Variants in PDZRN4 observed in about 807,000 individuals in gnomAD.
PDZRN4 encodes the protein PDZ domain-containing RING finger protein 4.
PDZRN4 carries 70 observed loss-of-function variants against 99.0 expected under a neutral mutation model. The ratio of observed to expected loss-of-function variants is 0.71; its 90% CI spans 0.58 to 0.86. PDZRN4 has a LOEUF of 0.86. Ranked by LOEUF, PDZRN4 falls within the 40% of genes least tolerant of loss-of-function variation. The probability of loss-of-function intolerance (pLI) is 0.00; values close to 1 mark genes in which losing one functional copy is unlikely to be tolerated. For synonymous variants in PDZRN4, 551 were observed against 501.6 expected (o/e 1.10, Z -1.32); for missense variants, 1,474 against 1,331.2 (o/e 1.11, Z -1.67).
intron 3 of PDZRN4, among the ~76,000 whole-genome samples, chr12:41,203,056 C>A: frequency 6.6e-6 from 1 of 151,586 alleles, no homozygotes. Context: ...AGGTAGTTTT[C>A]ACAGTGAAAT....
At chr12:41,445,326 A>G (rs1217418424) in intron 3 of PDZRN4, among the ~76,000 whole-genome samples, 2 of 152,114 alleles carry the variant, frequency 1.3e-5, no homozygotes, top group East Asian at 3.8e-4. Context: ...GATCTTATTT[A>G]CATAATTATT....
intron 3 of PDZRN4, among the ~76,000 whole-genome samples, chr12:41,401,673 C>T (rs1952289755): frequency 6.6e-6 from 1 of 152,068 alleles, no homozygotes; most frequent in Non-Finnish European, 1.5e-5. Flanking sequence ...AATACGTTTC[C>T]TGTTGGTTGT....
intron 5 of PDZRN4, among the ~76,000 whole-genome samples, chr12:41,547,488 T>TG: frequency 6.6e-6 from 1 of 152,156 alleles, no homozygotes; most frequent in East Asian, 1.9e-4. Flanking sequence ...TAGCCAGGGG[T>TG]GGTGGCAGGC....
intron 3 of PDZRN4, among the ~76,000 whole-genome samples, chr12:41,436,781 A>G (rs1952633437): frequency 6.6e-6 from 1 of 152,200 alleles, no homozygotes; most frequent in Non-Finnish European, 1.5e-5. Flanking sequence ...CTAAACATCT[A>G]AGCTTAGTTT....
intron 3 of PDZRN4, among the ~76,000 whole-genome samples, chr12:41,478,218 C>T (rs1052097375): frequency 3.3e-5 from 5 of 152,056 alleles, no homozygotes; most frequent in African/African-American, 4.8e-5. Flanking sequence ...CAGGTTCAAG[C>T]GATTCTCGTG....
In PDZRN4 at chr12:41,424,909, G is replaced by C. The variant is rs76514074; in HGVS notation, c.844-81547G>C. Among the ~76,000 whole-genome samples, 207 of 152,176 alleles carry C rather than the reference G, an allele frequency of 1.4e-3. 6 individuals carry two copies. In the East Asian group the frequency reaches 0.021, roughly 15 times the overall value. Reference sequence around the variant, plus strand: ...CTTGCACTTCTGCCCATAACTAGTTGACCACAGCTTGTCATATCACCCCAC... The same window carrying C: ...CTTGCACTTCTGCCCATAACTAGTTCACCACAGCTTGTCATATCACCCCAC... On this transcript the variant is annotated intron_variant, in intron 3 of 9. Transcript: ENST00000402685.
Position 41,497,377 on chromosome 12 carries a change from TTA to T in PDZRN4, c.844-9076_844-9075del, listed in dbSNP as rs369933488. ...TTATGCCTTTATATCCTTAGACCTG[TTA>T]TAGAAAATTTTGTCTCCATCTGAAT... On this transcript the variant is annotated intron_variant, in intron 3 of 9. Transcript: ENST00000402685. Among the ~76,000 whole-genome samples, 65 of 152,244 alleles carry T rather than the reference TTA, an allele frequency of 4.3e-4. 3 individuals carry two copies. The East Asian group carries it at 9.8e-3, about 23-fold the overall frequency.
intron 3 of PDZRN4, among the ~76,000 whole-genome samples, chr12:41,298,969 C>T (rs1315912885): frequency 1.3e-5 from 2 of 152,104 alleles, no homozygotes; most frequent in Non-Finnish European, 2.9e-5. Context: ...ACTGCATCCC[C>T]CTTTGGCCTT....
At chr12:41,511,213 G>A (rs765882785) in intron 5 of PDZRN4, among the ~76,000 whole-genome samples, 5 of 151,868 alleles carry the variant, frequency 3.3e-5, no homozygotes, top group Non-Finnish European at 5.9e-5. Flanking sequence ...CAGTGTGCTC[G>A]GGGAGGGCAT....
At chr12:41,339,241 G>A (rs1366535668) in intron 3 of PDZRN4, among the ~76,000 whole-genome samples, 3 of 151,952 alleles carry the variant, frequency 2.0e-5, no homozygotes, top group Admixed American at 6.6e-5. Context: ...TAGACGAATG[G>A]AACAGAATAG....
At chr12:41,500,827 T>A (rs1938096113) in intron 3 of PDZRN4, among the ~76,000 whole-genome samples, 1 of 152,134 alleles carries the variant, frequency 6.6e-6, no homozygotes, top group African/African-American at 2.4e-5. Context: ...GGGTTCAGAT[T>A]ATCTGAAATT....
At chr12:41,385,777 A>C (rs1952165705) in intron 3 of PDZRN4, among the ~76,000 whole-genome samples, 1 of 152,144 alleles carries the variant, frequency 6.6e-6, no homozygotes, top group South Asian at 2.1e-4. Flanking sequence ...GCTATTCCAA[A>C]AAGTTGAGGA....
chr12:41,388,450 C>T (rs1952187311), intron 3 of PDZRN4, among the ~76,000 whole-genome samples: 1 of 151,444 alleles, frequency 6.6e-6, no homozygotes, highest in African/African-American at 2.4e-5. Flanking sequence ...TTTTGTAGGC[C>T]ACTGTCAAGA....
chr12:41,309,622 A>C (rs916417039), intron 3 of PDZRN4, among the ~76,000 whole-genome samples: 2 of 152,164 alleles, frequency 1.3e-5, no homozygotes, highest in Admixed American at 1.3e-4. Context: ...TGACTGTTAG[A>C]AACTATCTGC....
intron 3 of PDZRN4, among the ~76,000 whole-genome samples, chr12:41,236,691 ATTGT>A (rs1951069377): frequency 6.6e-6 from 1 of 152,052 alleles, no homozygotes; most frequent in South Asian, 2.1e-4. Context: ...CAGTCTGGGG[ATTGT>A]TTTTTTGTTT....
intron 7 of PDZRN4, among the ~76,000 whole-genome samples, chr12:41,561,356 T>C (rs1268170906): frequency 6.6e-6 from 1 of 151,966 alleles, no homozygotes; most frequent in Non-Finnish European, 1.5e-5. Context: ...AACAGTAATA[T>C]GTGCCAGCAT....
intron 5 of PDZRN4, among the ~76,000 whole-genome samples, chr12:41,522,569 AAATG>A (rs1400431279): frequency 9.2e-5 from 14 of 152,144 alleles, no homozygotes; most frequent in Non-Finnish European, 1.9e-4. Flanking sequence ...TTACAGAAGG[AAATG>A]AATTAACATT....
intron 6 of PDZRN4, among the ~76,000 whole-genome samples, chr12:41,553,651 G>A (rs534574234): frequency 6.6e-6 from 1 of 152,044 alleles, no homozygotes; most frequent in Non-Finnish European, 1.5e-5. Flanking sequence ...CTATGATTGT[G>A]CCACTGCACT....
rs544233150 is a variant in PDZRN4, at chr12:41,515,067, G to C, written c.1203+5154G>C. On this transcript the variant is annotated intron_variant, in intron 5 of 9. Transcript: ENST00000402685. ...AGCATATGTGAGAAGCACTGCAACA[G>C]ACAGGGAAATAAGCGCTTCCCCCAC... Among the ~76,000 whole-genome samples, 10 of 152,182 alleles carry C rather than the reference G, an allele frequency of 6.6e-5. No homozygotes were observed. In the East Asian group the frequency reaches 1.9e-3, roughly 30 times the overall value.
Sources: allele counts gnomAD v4.1 joint callset (sites outside exome capture counted in the v4.1 genomes callset), GRCh38; gene constraint gnomAD v4.1.1; transcripts MANE v1.5; gene names NCBI Gene and HGNC (gene_info 2026-07-23, HGNC 2026-07-21).